Variants in ENOX1 observed in about 807,000 individuals in gnomAD.
The protein encoded by ENOX1 is ecto-NOX disulfide-thiol exchanger 1.
In ENOX1, 42 loss-of-function variants were observed where a neutral mutation model predicts 82.5. That is an observed-to-expected ratio of 0.51 (90% CI 0.40 to 0.66). The LOEUF (loss-of-function observed/expected upper bound fraction) is 0.66, where lower values mean the gene tolerates loss of function less well. Among genes scored for constraint, ENOX1 ranks in the 30% least tolerant of loss-of-function variants. ENOX1 has a pLI of 0.00. For synonymous variants in ENOX1, 271 were observed against 282.2 expected (o/e 0.96, Z 0.40); for missense variants, 608 against 811.6 (o/e 0.75, Z 3.05).
intron 2 of ENOX1, among the ~76,000 whole-genome samples, chr13:43,639,769 C>T (rs1365816810): frequency 6.6e-6 from 1 of 152,178 alleles, no homozygotes; most frequent in African/African-American, 2.4e-5. Context: ...GTGGCTCATG[C>T]CTGTAATCCA....
At chr13:43,463,432 A>C (rs900660106) in intron 3 of ENOX1, among the ~76,000 whole-genome samples, 4 of 152,184 alleles carry the variant, frequency 2.6e-5, no homozygotes, top group Non-Finnish European at 4.4e-5. Flanking sequence ...ACTAATCACT[A>C]TCTGTTCTAC....
intron 12 of ENOX1, among the ~76,000 whole-genome samples, chr13:43,296,350 G>A (rs751263168): frequency 6.6e-6 from 1 of 152,186 alleles, no homozygotes; most frequent in Non-Finnish European, 1.5e-5. Context: ...AATGACAAGG[G>A]ATGATGAAGG....
chr13:43,779,878 C>T (rs1952151227), intron 1 of ENOX1, among the ~76,000 whole-genome samples: 2 of 152,094 alleles, frequency 1.3e-5, no homozygotes, highest in South Asian at 2.1e-4. Flanking sequence ...TGCATGAGGC[C>T]GGGCGTGGTG....
At chr13:43,490,323 T>C (rs1361544707) in intron 2 of ENOX1, among the ~76,000 whole-genome samples, 2 of 152,190 alleles carry the variant, frequency 1.3e-5, no homozygotes, top group Non-Finnish European at 2.9e-5. Context: ...TGCCTTGACA[T>C]GAATTATGCC....
intron 3 of ENOX1, among the ~76,000 whole-genome samples, chr13:43,466,616 A>G (rs973754852): frequency 2.6e-5 from 4 of 152,110 alleles, no homozygotes; most frequent in African/African-American, 9.7e-5. Context: ...CAAAAATTAT[A>G]GAGTACAACT....
chr13:43,618,802 A>C (rs1247946739), intron 2 of ENOX1, among the ~76,000 whole-genome samples: 1 of 152,040 alleles, frequency 6.6e-6, no homozygotes, highest in African/African-American at 2.4e-5. Context: ...TGGGAATTGC[A>C]TTGAATTTGT....
At chr13:43,411,734 G>A (rs1329508747) in intron 5 of ENOX1, among the ~76,000 whole-genome samples, 182 bp downstream of exon 5, 1 of 152,198 alleles carries the variant, frequency 6.6e-6, no homozygotes, top group Non-Finnish European at 1.5e-5. Flanking sequence ...CTGAGAACAA[G>A]GCTATTAGGC....
At chr13:43,766,573 T>G (rs955125441) in intron 1 of ENOX1, among the ~76,000 whole-genome samples, 3 of 152,188 alleles carry the variant, frequency 2.0e-5, no homozygotes, top group Admixed American at 6.5e-5. Flanking sequence ...AGGTAAACTT[T>G]GGAGCACTGA....
At chr13:43,766,521 C>T (rs1951278973) in intron 1 of ENOX1, among the ~76,000 whole-genome samples, 1 of 152,126 alleles carries the variant, frequency 6.6e-6, no homozygotes, top group Admixed American at 6.5e-5. Flanking sequence ...TCCCAGCCTC[C>T]GGGACAATGG....
At chr13:43,470,309 T>C (rs1375715164) in intron 3 of ENOX1, among the ~76,000 whole-genome samples, 3 of 45,818 alleles carry the variant, frequency 6.5e-5, no homozygotes, top group African/African-American at 2.2e-4. Flanking sequence ...TATATATACA[T>C]ATATATACAC....
chr13:43,252,920 G>A lies in ENOX1; in HGVS notation c.1611+12478C>T, dbSNP rs149900960. ...CCATCAGAGCTGGGAAGAGTTTTGA[G>A]GTTGGAAGGATTAAGACACACTCCA... On this transcript the variant is annotated intron_variant, in intron 14 of 16. Coordinates refer to ENST00000690772, the MANE Select transcript of ENOX1 (RefSeq NM_001347969.2). 1.4e-3 allele frequency among the ~76,000 whole-genome samples: 220 copies of A among 152,244 alleles called. 1 individual carries two copies. The highest frequency in any genetic ancestry group is 2.4e-3 in the Non-Finnish European group (166 of 68,018).
intron 1 of ENOX1, among the ~76,000 whole-genome samples, chr13:43,735,069 T>C (rs955005334): frequency 6.6e-6 from 1 of 152,170 alleles, no homozygotes; most frequent in Non-Finnish European, 1.5e-5. Flanking sequence ...CAACTAAAAC[T>C]TGTTTTGTTT....
At chr13:43,435,379 C>T (rs942394200) in intron 3 of ENOX1, among the ~76,000 whole-genome samples, 3 of 152,164 alleles carry the variant, frequency 2.0e-5, no homozygotes, top group African/African-American at 7.2e-5. Context: ...CTTCTCCATT[C>T]CAACTGACAA....
At chr13:43,512,648 G>A (rs2077413554) in intron 2 of ENOX1, among the ~76,000 whole-genome samples, 1 of 144,902 alleles carries the variant, frequency 6.9e-6, no homozygotes, top group Admixed American at 7.0e-5. Context: ...CCATTTTGGA[G>A]CCAAAGAAAT....
chr13:43,360,146 T>C lies in ENOX1; in HGVS notation c.383-89A>G. 4 of 1,207,360 alleles carry C rather than the reference T, an allele frequency of 3.3e-6. No homozygotes were observed. In the East Asian group the frequency reaches 7.5e-5, roughly 23 times the overall value. The allele number at this position is 1,207,360 out of a possible 1,614,324, so 74.8% of individuals were successfully genotyped here. On this transcript the variant is annotated intron_variant, in intron 6 of 16. Transcript: ENST00000690772. ...GCAAAACTAAAGCTTGCAGAGTAAC[T>C]TTCTCCAGACTGAGTGACGGTAAAT...
At chr13:43,309,211 A>G (rs923905581) in intron 11 of ENOX1, among the ~76,000 whole-genome samples, 4 of 151,870 alleles carry the variant, frequency 2.6e-5, no homozygotes, top group Non-Finnish European at 4.4e-5. Flanking sequence ...TAGTAGAGAC[A>G]GGGTTTCACT....
intron 1 of ENOX1, among the ~76,000 whole-genome samples, chr13:43,698,586 T>G (rs76419809): frequency 2.6e-5 from 4 of 152,106 alleles, no homozygotes; most frequent in African/African-American, 9.7e-5. Flanking sequence ...TTAACACATA[T>G]AAAAATTCAC....
chr13:43,427,201 A>ACTCCTTAT (rs1280285359), intron 3 of ENOX1, among the ~76,000 whole-genome samples: 1 of 152,064 alleles, frequency 6.6e-6, no homozygotes, highest in African/African-American at 2.4e-5. Context: ...CCATTCCGTT[A>ACTCCTTAT]CTCCTTATCT....
At chr13:43,740,809 C>T (rs558805396) in intron 1 of ENOX1, among the ~76,000 whole-genome samples, 10 of 152,270 alleles carry the variant, frequency 6.6e-5, no homozygotes, top group South Asian at 2.1e-4. Context: ...TGTTGTAGCA[C>T]GTGCCAGTAC....
Sources: gnomAD v4.1 joint callset for allele counts (sites outside exome capture counted in the v4.1 genomes callset) on GRCh38, gnomAD v4.1.1 for gene constraint, MANE v1.5 for transcripts, NCBI Gene and HGNC (gene_info 2026-07-23, HGNC 2026-07-21) for gene names.